The following CUL4B variants were observed in gnomAD, a reference collection of about 807,000 sequenced individuals.
CUL4B encodes the protein cullin-4B.
A neutral mutation model predicts 69.2 loss-of-function variants in CUL4B; 1 was observed. The ratio of observed to expected loss-of-function variants is 0.01; its 90% CI spans 0.01 to 0.07. The LOEUF (loss-of-function observed/expected upper bound fraction) is 0.07. Ranked by LOEUF, CUL4B falls within the 10% of genes least tolerant of loss-of-function variation. The pLI, the probability that CUL4B is intolerant of heterozygous loss-of-function variation, is 1.00. For synonymous variants in CUL4B, 237 were observed against 223.2 expected, an observed-to-expected ratio of 1.06 and a Z score of -0.55; for missense variants, 328 against 638.8, an observed-to-expected ratio of 0.51 and a Z score of 5.24.
upstream of CUL4B, among the ~76,000 whole-genome samples, chrX:120,566,381 A>ATG (rs1556253401): frequency 1.6e-5 from 1 of 63,248 alleles, no homozygotes; most frequent in Non-Finnish European, 3.4e-5. Flanking sequence ...ATATATATAT[A>ATG]TATATATATG....
In CUL4B at chrX:120,553,404, G is replaced by A. The variant is rs1052205346; in HGVS notation, c.672+4520C>T. Among the ~76,000 whole-genome samples, 10 of 111,766 alleles carry A rather than the reference G, an allele frequency of 8.9e-5. No homozygotes were observed. In the South Asian group the frequency reaches 1.1e-3, roughly 12 times the overall value. On this transcript the variant is annotated intron_variant, in intron 2 of 19. Coordinates refer to ENST00000371322, the MANE Select transcript of CUL4B (RefSeq NM_001079872.2). ...TGGTCATCTACTCTATAAATGAATC[G>A]TTAATAGAAAGGTTCATCATTTAAG...
rs1924093632 is a variant in CUL4B, at chrX:120,543,043, A to G, written c.1257-10T>C. 9.2e-7 allele frequency: 1 copy of G among 1,085,516 alleles called. No individual in the cohort carries two copies. The highest frequency in any genetic ancestry group is 1.9e-5 in the African/African-American group (1 of 52,963). The allele number at this position is 1,085,516 out of a possible 1,213,427, so 89.5% of individuals were successfully genotyped here. On this transcript the variant is annotated splice_polypyrimidine_tract_variant and intron_variant, in intron 8 of 19. Transcript: ENST00000371322. ...AGCAATTAATGACTTCCTACAAGGA[A>G]AAAAAAAAAGGTTAGTATTATTGAC...
At chrX:120,556,274 A>G (rs963265179) in intron 2 of CUL4B, among the ~76,000 whole-genome samples, 1 of 111,814 alleles carries the variant, frequency 8.9e-6, no homozygotes, top group African/African-American at 3.3e-5. Flanking sequence ...GTTACACGGC[A>G]TTATTACTAT....
intron 8 of CUL4B, among the ~76,000 whole-genome samples, chrX:120,543,487 ACCTTCTAAACAC>A (rs749512243): frequency 5.2e-4 from 37 of 71,237 alleles, no homozygotes; most frequent in Non-Finnish European, 8.1e-4. Flanking sequence ...TTTCTAAATT[ACCTTCTAAACAC>A]ACACACACAC....
At position 120,525,278 on chromosome X, in the gene CUL4B, G is replaced by C. The variant is rs1283987114; in HGVS notation, c.*1483C>G. On this transcript the variant is annotated 3_prime_UTR_variant, in exon 20 of 20. Transcript: ENST00000371322. ...AAAAATCTTCTCAGGTTGAAGATTA[G>C]GACATAGGTAATCTTCCTAACGGCT... 5.4e-5 allele frequency: 6 copies of C among 111,607 alleles called. No homozygotes were observed. Among genetic ancestry groups the C allele is most frequent in the African/African-American group, 2.0e-4 (6 of 30,748 alleles). 9.2% of individuals were successfully genotyped at this position (111,607 alleles called of 1,213,427 possible). A position where few individuals can be genotyped will look rare whatever the true frequency, so the allele number is the denominator to read the frequency against.
intron 3 of CUL4B, 39 bp downstream of exon 3, chrX:120,547,097 G>A (rs774363065): frequency 2.1e-6 from 2 of 964,451 alleles, no homozygotes; most frequent in South Asian, 3.9e-5. Flanking sequence ...CAGAGAGGAA[G>A]ACAAAACTAT....
At chrX:120,534,229 C>A (rs1417261747) in intron 17 of CUL4B, among the ~76,000 whole-genome samples, 1 of 107,820 alleles carries the variant, frequency 9.3e-6, no homozygotes, top group Non-Finnish European at 1.9e-5. Context: ...TAAAAATTAG[C>A]CAGGCACGGT....
chrX:120,561,413 C>T (rs748103861), upstream of CUL4B: 4 of 556,311 alleles, frequency 7.2e-6, no homozygotes, highest in East Asian at 1.0e-4. Context: ...GCCCAGATCC[C>T]GAAGCCCCCA....
At chrX:120,561,511 A>G (rs1241508825), upstream of CUL4B, 2 of 212,236 alleles carry the variant, frequency 9.4e-6, no homozygotes, top group African/African-American at 7.9e-5. Flanking sequence ...CGGGCCTTCG[A>G]GACACCTTCG....
exon 3 of CUL4B, chrX:120,571,222 A>T (rs1925702199): frequency 1.8e-5 from 2 of 111,715 alleles, no homozygotes; most frequent in African/African-American, 6.5e-5. Context: ...TAAATTACAC[A>T]TCATACATCT....
chrX:120,564,754 T>G (rs1756133366), upstream of CUL4B, among the ~76,000 whole-genome samples: 1 of 112,572 alleles, frequency 8.9e-6, no homozygotes, highest in Non-Finnish European at 1.9e-5. Flanking sequence ...AACATTAAAA[T>G]ACATTTTCAA....
intron 4 of CUL4B, among the ~76,000 whole-genome samples, 172 bp from the exon 5 acceptor site, chrX:120,545,689 C>T (rs1361407064): frequency 9.0e-6 from 1 of 111,052 alleles, no homozygotes; most frequent in Non-Finnish European, 1.9e-5. Flanking sequence ...GTTTTTATTA[C>T]TCAACAGTCA....
chrX:120,534,284 G>A (rs980298686), intron 17 of CUL4B, among the ~76,000 whole-genome samples, 197 bp downstream of exon 17: 1 of 106,305 alleles, frequency 9.4e-6, no homozygotes, highest in Non-Finnish European at 1.9e-5. Context: ...TGAGGCAGGA[G>A]AATCACTTGA....
In CUL4B at chrX:120,560,921, A is replaced by C. The variant is rs775102321; in HGVS notation, c.-283T>G. Reference sequence around the variant, plus strand: ...TGCCGTCCCCCTCCCCTGCTTTTCGATCTCTCTCCCCCCCTTTCTGCAGGA... The same window carrying C: ...TGCCGTCCCCCTCCCCTGCTTTTCGCTCTCTCTCCCCCCCTTTCTGCAGGA... On this transcript the variant is annotated 5_prime_UTR_variant, in exon 1 of 20. Transcript: ENST00000371322. The C allele has an allele frequency of 2.7e-6, 2 of 745,573 alleles. No individual in the cohort carries two copies. The highest frequency in any genetic ancestry group is 7.0e-5 in the South Asian group (1 of 14,355). The allele number at this position is 745,573 out of a possible 1,213,427, so 61.4% of individuals were successfully genotyped here.
At chrX:120,544,090 T>G in intron 7 of CUL4B, 24 bp downstream of exon 7, 2 of 986,842 alleles carry the variant, frequency 2.0e-6, no homozygotes, top group East Asian at 6.1e-5. Context: ...CAGTGAGAAT[T>G]TATTAGTCAT....
chrX:120,571,966 A>G (rs968076960), exon 3 of CUL4B: 1 of 110,273 alleles, frequency 9.1e-6, no homozygotes, highest in Non-Finnish European at 1.9e-5. Context: ...TGGAACAACC[A>G]TATTACCATG....
intron 1 of CUL4B, among the ~76,000 whole-genome samples, chrX:120,559,500 T>C (rs1012727680): frequency 8.9e-6 from 1 of 112,576 alleles, no homozygotes; most frequent in African/African-American, 3.2e-5. Flanking sequence ...TTACTACTTC[T>C]GTGTATACAC....
At chrX:120,537,129 A>G in intron 14 of CUL4B, 95 bp from the exon 15 acceptor site, 1 of 632,080 alleles carries the variant, frequency 1.6e-6, no homozygotes. Flanking sequence ...ATGAAATTAC[A>G]TGCAAACACT....
intron 4 of CUL4B, 118 bp downstream of exon 4, chrX:120,546,425 AATAG>A (rs1393516397): frequency 1.3e-5 from 6 of 475,796 alleles, no homozygotes; most frequent in Non-Finnish European, 2.1e-5. Flanking sequence ...AAAGAAAAGG[AATAG>A]ATATTGAAGC....
Sources: gnomAD v4.1 joint callset for allele counts (sites outside exome capture counted in the v4.1 genomes callset) on GRCh38, gnomAD v4.1.1 for gene constraint, MANE v1.5 for transcripts, NCBI Gene and HGNC (gene_info 2026-07-23, HGNC 2026-07-21) for gene names.